ZNF280B: variants seen among roughly 807,000 people sequenced by gnomAD.
ZNF280B encodes suppressor of hairy wing homolog 2.
In ZNF280B, 16 loss-of-function variants were observed where a neutral mutation model predicts 38.0. That is an observed-to-expected ratio of 0.42 (90% CI 0.28 to 0.64). ZNF280B has a LOEUF of 0.64. Among genes scored for constraint, ZNF280B ranks in the 30% least tolerant of loss-of-function variants. ZNF280B has a pLI of 0.21. For synonymous variants in ZNF280B, 253 were observed against 230.6 expected (o/e 1.10, Z -0.88); for missense variants, 581 against 639.6 (o/e 0.91, Z 0.99).
chr22:22,489,290 G>C lies in ZNF280B; in HGVS notation c.109C>G (p.His37Asp). Residue 37 changes from histidine (H) to aspartate (D), a missense_variant, in exon 4 of 4, where the codon CAT (histidine) becomes GAT (aspartate). By Grantham distance (81) the His-to-Asp change is moderately conservative (BLOSUM62 -1). Transcript: ENST00000626650. The part of the protein sequence containing the change: ...DAELIFVGVE[H>D]VNEDAELIFV... The stretch of plus-strand genomic sequence containing the variant: ...ATTAGCTCAGCATCTTCATTTACAT[G>C]TTCCACACCAACAAAGATGAGCTCA... 1 of 1,613,810 alleles carries C rather than the reference G, an allele frequency of 6.2e-7. No individual in the cohort carries two copies. Among genetic ancestry groups the C allele is most frequent in the Non-Finnish European group, 8.5e-7 (1 of 1,179,954 alleles).
rs1452909374 is a variant in ZNF280B at position 22,489,372 on chromosome 22, T to G, written c.27A>C (p.Lys9Asn). 1.2e-6 allele frequency: 2 copies of G among 1,605,656 alleles called. No individual in the cohort carries two copies. Among genetic ancestry groups the G allele is most frequent in the Admixed American group, 3.4e-5 (2 of 58,146 alleles). The change falls in exon 4 of 4, where the codon AAA becomes AAC. Residue 9 changes from lysine (K) to asparagine (N), a missense_variant. Lys to Asn is a moderately conservative substitution (Grantham distance 94). Coordinates refer to ENST00000626650, the MANE Select transcript of ZNF280B (RefSeq NM_080764.4). The stretch of plus-strand genomic sequence containing the variant: ...GTATGTTCTTCTGTGGTTCAGGCTC[T>G]TTCTCTTCCTCACATGATTGTTCCA... Reference protein sequence around the residue: MEQSCEEEKEPEPQKNIQE... With the variant: MEQSCEEENEPEPQKNIQE...
chr22:22,504,153 G>T (rs756993635), intron 2 of ZNF280B, among the ~76,000 whole-genome samples: 25 of 151,998 alleles, frequency 1.6e-4, no homozygotes, highest in Admixed American at 6.6e-4. Context: ...CTTGTGCCAG[G>T]CCGGGCATGG....
At chr22:22,500,545 T>C (rs1293996396) in intron 2 of ZNF280B, among the ~76,000 whole-genome samples, 1 of 151,742 alleles carries the variant, frequency 6.6e-6, no homozygotes, top group Admixed American at 6.6e-5. Flanking sequence ...GTAACTAAAA[T>C]AGTCAAATTC....
chr22:22,498,974 A>AT, intron 2 of ZNF280B, among the ~76,000 whole-genome samples: 1 of 150,558 alleles, frequency 6.6e-6, no homozygotes, highest in South Asian at 2.1e-4. Flanking sequence ...ATTTTTTTGT[A>AT]TTTTTTAGTG....
intron 2 of ZNF280B, among the ~76,000 whole-genome samples, chr22:22,500,684 T>C (rs2061798566): frequency 6.7e-6 from 1 of 149,758 alleles, no homozygotes; most frequent in Non-Finnish European, 1.5e-5. Flanking sequence ...GGCAAAACCC[T>C]GTCTCTACTA....
chr22:22,498,854 G>A (rs560700621), intron 2 of ZNF280B, among the ~76,000 whole-genome samples: 5 of 135,698 alleles, frequency 3.7e-5, no homozygotes, highest in Admixed American at 8.5e-5. Flanking sequence ...CTGGAGTGCA[G>A]TGGCGTGATC....
chr22:22,502,555 G>T (rs529267867), intron 2 of ZNF280B, among the ~76,000 whole-genome samples: 3 of 151,796 alleles, frequency 2.0e-5, no homozygotes, highest in African/African-American at 7.3e-5. Flanking sequence ...ATGAATAAAC[G>T]AACTGTGGTA....
chr22:22,493,820 C>A (rs1424574628), intron 3 of ZNF280B, among the ~76,000 whole-genome samples: 1 of 151,982 alleles, frequency 6.6e-6, no homozygotes, highest in Admixed American at 6.6e-5. Context: ...TATCACTCTT[C>A]TATCCCTAAG....
chr22:22,508,941 C>G (rs556993411), upstream of ZNF280B: 2 of 152,596 alleles, frequency 1.3e-5, no homozygotes, highest in Admixed American at 1.3e-4. Flanking sequence ...AGCAATACCC[C>G]TGAGGCCTTG....
intron 2 of ZNF280B, among the ~76,000 whole-genome samples, chr22:22,501,575 T>TAAAATAA (rs1402411182): frequency 1.3e-5 from 2 of 151,066 alleles, no homozygotes; most frequent in Non-Finnish European, 1.5e-5. Context: ...AAAAATAAAA[T>TAAAATAA]AAAATAAAAA....
At chr22:22,491,457 C>CTTTTTTTTTTTTTTTTTTTTTTTTT (rs55720546) in intron 3 of ZNF280B, among the ~76,000 whole-genome samples, 2 of 113,980 alleles carry the variant, frequency 1.8e-5, no homozygotes, top group African/African-American at 3.0e-5. Context: ...TGTCTTTTTT[C>CTTTTTTTTTTTTTTTTTTTTTTTTT]TTTTTTTTTT....
chr22:22,506,883 C>T (rs1366791868), intron 2 of ZNF280B, among the ~76,000 whole-genome samples: 2 of 151,924 alleles, frequency 1.3e-5, no homozygotes, highest in Admixed American at 1.3e-4. Context: ...TCCAAGATGG[C>T]CCTAAATGAA....
At position 22,487,348 on chromosome 22, in the gene ZNF280B, G is replaced by C. The variant is rs2061514577; in HGVS notation, c.*419C>G. ...GTCCTAGCTACTCTCCAAAGGCTGA[G>C]GCGGAGGAATGCTTGAGCCTGGAAG... On this transcript the variant is annotated 3_prime_UTR_variant, in exon 4 of 4. Coordinates refer to ENST00000626650, the MANE Select transcript of ZNF280B (RefSeq NM_080764.4). 6.6e-6 allele frequency: 1 copy of C among 151,020 alleles called. No homozygotes were observed. Among genetic ancestry groups the C allele is most frequent in the Non-Finnish European group, 1.5e-5 (1 of 68,154 alleles). The allele number at this position is 151,020 out of a possible 1,614,324, so 9.4% of individuals were successfully genotyped here.
intron 2 of ZNF280B, among the ~76,000 whole-genome samples, chr22:22,500,491 A>G (rs899200216): frequency 6.6e-6 from 1 of 151,956 alleles, no homozygotes; most frequent in Admixed American, 6.6e-5. Context: ...ACCAGTCACA[A>G]AAAGACAAAT....
chr22:22,488,689 G>T lies in ZNF280B; in HGVS notation c.710C>A (p.Ala237Glu). The change falls in exon 4 of 4, where the codon GCA becomes GAA. Residue 237 changes from alanine (A) to glutamate (E), a missense_variant. By Grantham distance (107) the Ala-to-Glu change is moderately radical. Transcript: ENST00000626650. ...ATGGATATTGTCCTTTGGAAAAGCT[G>T]CTGGAAAAGGTGCTCCATTCTGAAC... ...SHVQNGAPFP[A>E]AFPKDNIHFK... The T allele has an allele frequency of 6.2e-7, 1 of 1,613,730 alleles. No individual in the cohort carries two copies.
At chr22:22,493,135 C>T (rs913710625) in intron 3 of ZNF280B, among the ~76,000 whole-genome samples, 4 of 151,712 alleles carry the variant, frequency 2.6e-5, no homozygotes, top group African/African-American at 9.7e-5. Context: ...CTCAGCCTCC[C>T]GTGTAGCTGG....
intron 2 of ZNF280B, among the ~76,000 whole-genome samples, chr22:22,498,035 C>T (rs1268137486): frequency 2.6e-5 from 4 of 151,826 alleles, no homozygotes; most frequent in Admixed American, 6.6e-5. Context: ...ATAAAAGAAA[C>T]GACATACTGA....
chr22:22,504,904 T>C (rs955733038), intron 2 of ZNF280B, among the ~76,000 whole-genome samples: 3 of 151,984 alleles, frequency 2.0e-5, no homozygotes, highest in Non-Finnish European at 2.9e-5. Flanking sequence ...GTGCCATGTA[T>C]TGGTCTGGTG....
At chr22:22,490,672 T>C (rs2061575619) in intron 3 of ZNF280B, among the ~76,000 whole-genome samples, 1 of 151,880 alleles carries the variant, frequency 6.6e-6, no homozygotes, top group Non-Finnish European at 1.5e-5. Flanking sequence ...TTCACCATGT[T>C]GACCAGGCTG....
Sources: allele counts gnomAD v4.1 joint callset (sites outside exome capture counted in the v4.1 genomes callset), GRCh38; gene constraint gnomAD v4.1.1; transcripts MANE v1.5; gene names NCBI Gene and HGNC (gene_info 2026-07-23, HGNC 2026-07-21).